DHX35: variants seen among roughly 807,000 people sequenced by gnomAD.
The protein encoded by DHX35 is probable ATP-dependent RNA helicase DHX35.
DHX35 carries 84 observed loss-of-function variants against 99.6 expected under a neutral mutation model. The observed-to-expected ratio is 0.84, with a 90% CI of 0.71 to 1.01. DHX35 has a LOEUF of 1.01. DHX35 is among the 50% of genes least tolerant of loss of function. DHX35 has a pLI of 0.00. For missense variants in DHX35, 852 were observed against 888.5 expected, an observed-to-expected ratio of 0.96 and a Z score of 0.52; for synonymous variants, 331 against 316.2, an observed-to-expected ratio of 1.05 and a Z score of -0.50.
Position 38,972,582 on chromosome 20 carries a change from G to C in DHX35, c.198G>C (p.Leu66Phe). ...AGCTTAGGAATCATATTTTATACTT[G>C]ATAGAAAATTATCAGACAGTGGTGA... ...VFKLRNHILY[L>F]IENYQTVVIV... Residue 66 changes from leucine (L) to phenylalanine (F), a missense_variant, in exon 3 of 22, where the codon TTG becomes TTC. By Grantham distance (22) the Leu-to-Phe change is conservative. Coordinates refer to ENST00000252011, the MANE Select transcript of DHX35 (RefSeq NM_021931.4). 1 of 1,611,714 alleles carries C rather than the reference G, an allele frequency of 6.2e-7. No homozygotes were observed. Among genetic ancestry groups the C allele is most frequent in the Non-Finnish European group, 8.5e-7 (1 of 1,178,088 alleles).
intron 8 of DHX35, among the ~76,000 whole-genome samples, chr20:38,995,990 C>T (rs1323521199): frequency 6.6e-6 from 1 of 152,206 alleles, no homozygotes; most frequent in Admixed American, 6.5e-5. Flanking sequence ...TTCTCCAGTG[C>T]TCCCTACATT....
intron 4 of DHX35, among the ~76,000 whole-genome samples, chr20:38,988,312 A>G: frequency 6.6e-6 from 1 of 152,160 alleles, no homozygotes; most frequent in Middle Eastern, 3.2e-3. Flanking sequence ...CCCCAAGACC[A>G]TTATAGAATG....
chr20:38,994,851 A>G lies in DHX35; in HGVS notation c.613A>G (p.Ile205Val). The G allele has an allele frequency of 6.2e-7, 1 of 1,613,836 alleles. No homozygotes were observed. The highest frequency in any genetic ancestry group is 8.5e-7 in the Non-Finnish European group (1 of 1,179,766). The change falls in exon 8 of 22, where the codon ATT (isoleucine) becomes GTT (valine). Residue 205 changes from isoleucine to valine, a missense_variant. By Grantham distance (29) the Ile-to-Val change is conservative (BLOSUM62 3). Transcript: ENST00000252011. ...IQKKRGDLRL[I>V]VASATLDADK... ...GAAAAAGCGAGGGGATCTTCGATTGATTGTAGCTTCAGCCACTCTGGATGC... is the reference window on the plus strand; with the variant it reads ...GAAAAAGCGAGGGGATCTTCGATTGGTTGTAGCTTCAGCCACTCTGGATGC...
chr20:38,993,684 T>A (rs1390191738), intron 7 of DHX35, among the ~76,000 whole-genome samples: 2 of 129,306 alleles, frequency 1.5e-5, no homozygotes, highest in African/African-American at 6.0e-5. Flanking sequence ...ATTTTTCTTT[T>A]CTTTTTTTTT....
intron 2 of DHX35, among the ~76,000 whole-genome samples, chr20:38,969,745 T>G (rs1423430682): frequency 6.6e-6 from 1 of 152,220 alleles, no homozygotes; most frequent in Non-Finnish European, 1.5e-5. Context: ...ACGAAACAGA[T>G]GTGTGCTCAG....
chr20:38,980,877 A>G (rs1161054401), intron 3 of DHX35, among the ~76,000 whole-genome samples: 1 of 152,088 alleles, frequency 6.6e-6, no homozygotes, highest in Non-Finnish European at 1.5e-5. Context: ...GTTTCTCCCT[A>G]ATCTTTTCTA....
At chr20:38,968,356 C>G (rs1223489011) in intron 1 of DHX35, among the ~76,000 whole-genome samples, 1 of 152,192 alleles carries the variant, frequency 6.6e-6, no homozygotes, top group Non-Finnish European at 1.5e-5. Context: ...TCTGTCATCT[C>G]TGAGCCTTAT....
At chr20:39,026,252 C>T (rs1372508512) in intron 18 of DHX35, among the ~76,000 whole-genome samples, 1 of 152,096 alleles carries the variant, frequency 6.6e-6, no homozygotes, top group Non-Finnish European at 1.5e-5. Flanking sequence ...TGCTCTTTTC[C>T]CCATCTTATA....
At chr20:38,964,973 C>G (rs2085889577) in intron 1 of DHX35, among the ~76,000 whole-genome samples, 2 of 152,138 alleles carry the variant, frequency 1.3e-5, no homozygotes, top group Admixed American at 1.3e-4. Flanking sequence ...GGGTGACTGT[C>G]TAGGTTAGTG....
chr20:38,995,667 A>G (rs1457656131), intron 8 of DHX35, among the ~76,000 whole-genome samples: 2 of 152,228 alleles, frequency 1.3e-5, no homozygotes, highest in African/African-American at 4.8e-5. Flanking sequence ...ACCACTTACT[A>G]TATTTACATG....
At chr20:38,969,545 T>C (rs557668204) in intron 2 of DHX35, among the ~76,000 whole-genome samples, 23 of 152,342 alleles carry the variant, frequency 1.5e-4, no homozygotes, top group Non-Finnish European at 3.1e-4. Flanking sequence ...ATATAACAGA[T>C]TACCAACATA....
intron 3 of DHX35, among the ~76,000 whole-genome samples, chr20:38,981,566 A>C (rs567843306): frequency 6.6e-6 from 1 of 152,044 alleles, no homozygotes; most frequent in African/African-American, 2.4e-5. Context: ...CTTACTTTCT[A>C]GTACTACAAG....
chr20:39,019,789 T>A (rs190575884), intron 15 of DHX35, among the ~76,000 whole-genome samples: 58 of 152,320 alleles, frequency 3.8e-4, no homozygotes, highest in African/African-American at 1.3e-3. Context: ...TTAACTGTGG[T>A]CACCATGCAG....
At chr20:39,034,559 C>T (rs948266177) in intron 21 of DHX35, among the ~76,000 whole-genome samples, 17 of 151,440 alleles carry the variant, frequency 1.1e-4, no homozygotes, top group Non-Finnish European at 1.9e-4. Flanking sequence ...ATCGCTTTCT[C>T]GCTTTCTTTC....
rs764917913 is a variant in DHX35, at chr20:38,969,100, A to G, written c.60A>G (p.Val20=). ...CTGCAGGTACAGAGGGGCCAGGTGT[A>G]AGCATCTCTGAAGAGAGACAAAGTC... ...FWRPGTEGPG[V]SISEERQSLA... The change falls in exon 2 of 22, where the codon GTA becomes GTG. Residue 20 remains valine (V), a synonymous_variant. Transcript: ENST00000252011. 2 of 1,612,642 alleles carry G rather than the reference A, an allele frequency of 1.2e-6. No homozygotes were observed. Among genetic ancestry groups the G allele is most frequent in the South Asian group, 2.2e-5 (2 of 90,988 alleles).
chr20:38,975,453 G>A (rs1020193804), intron 3 of DHX35, among the ~76,000 whole-genome samples: 1 of 152,126 alleles, frequency 6.6e-6, no homozygotes, highest in African/African-American at 2.4e-5. Context: ...TACACATGTT[G>A]ATCTGTTTAA....
chr20:39,038,535 G>T lies in DHX35; in HGVS notation c.2104G>T (p.Asp702Tyr). ...SLKAKRAKVQ[D>Y]P ...GAAAGCCAAAAGGGCCAAGGTCCAG[G>T]ACCCGTGAGAGGAGCCCACAGCTAC... The change falls in exon 22 of 22, where the codon GAC (aspartate) becomes TAC (tyrosine). Residue 702 changes from aspartate to tyrosine, a missense_variant. Physicochemically the swap from Asp to Tyr is radical, Grantham distance 160. Coordinates refer to ENST00000252011, the MANE Select transcript of DHX35 (RefSeq NM_021931.4). 1 of 1,612,718 alleles carries T rather than the reference G, an allele frequency of 6.2e-7. No individual in the cohort carries two copies.
intron 3 of DHX35, among the ~76,000 whole-genome samples, chr20:38,974,028 A>G (rs1203054398): frequency 6.6e-6 from 1 of 152,222 alleles, no homozygotes; most frequent in East Asian, 1.9e-4. Context: ...GTCTTTGGTG[A>G]ACGTATGTGC....
intron 7 of DHX35, 127 bp downstream of exon 7, chr20:38,992,552 A>C (rs947359960): frequency 2.4e-5 from 20 of 845,688 alleles, no homozygotes; most frequent in Middle Eastern, 4.6e-4. Flanking sequence ...CCATAATCCT[A>C]CCCATTCAGA....
Sources: allele counts gnomAD v4.1 joint callset (sites outside exome capture counted in the v4.1 genomes callset), GRCh38; gene constraint gnomAD v4.1.1; transcripts MANE v1.5; gene names NCBI Gene and HGNC (gene_info 2026-07-23, HGNC 2026-07-21).